The following GTF3C1 variants were observed in gnomAD, a reference collection of about 807,000 sequenced individuals.
The protein encoded by GTF3C1 is general transcription factor 3C polypeptide 1.
GTF3C1 carries 57 observed loss-of-function variants against 226.7 expected under a neutral mutation model. The ratio of observed to expected loss-of-function variants is 0.25; its 90% CI spans 0.20 to 0.31. The LOEUF (loss-of-function observed/expected upper bound fraction) is 0.31. GTF3C1 is among the 10% of genes least tolerant of loss of function. The pLI is 1.00. For synonymous variants in GTF3C1, 1,090 were observed against 1,084.8 expected, an observed-to-expected ratio of 1.00 and a Z score of -0.09; for missense variants, 2,217 against 2,776.1, an observed-to-expected ratio of 0.80 and a Z score of 4.53.
chr16:27,504,445 GAA>G (rs1166971085), intron 10 of GTF3C1, among the ~76,000 whole-genome samples: 1 of 152,168 alleles, frequency 6.6e-6, no homozygotes, highest in Non-Finnish European at 1.5e-5. Context: ...GAAAAGGCCT[GAA>G]AGAGTCTAGA....
chr16:27,545,806 T>C (rs193300644), intron 1 of GTF3C1, among the ~76,000 whole-genome samples: 3 of 152,306 alleles, frequency 2.0e-5, no homozygotes, highest in East Asian at 1.9e-4. Context: ...CCAAATCTGG[T>C]ACTCAGTCTC....
chr16:27,464,124 C>A, intron 34 of GTF3C1, 196 bp downstream of exon 34: 1 of 453,704 alleles, frequency 2.2e-6, no homozygotes, highest in Admixed American at 4.2e-5. Flanking sequence ...ATGTGGGAGG[C>A]CTGCCCTCCC....
intron 6 of GTF3C1, among the ~76,000 whole-genome samples, chr16:27,520,316 T>C (rs991813219): frequency 1.3e-5 from 2 of 152,172 alleles, no homozygotes; most frequent in African/African-American, 4.8e-5. Context: ...GGTTTCACCA[T>C]GTTGGCCAAG....
rs2087697776 is a variant in GTF3C1 at position 27,461,205 on chromosome 16, A to G, written c.*145T>C. On this transcript the variant is annotated 3_prime_UTR_variant, in exon 37 of 37. Coordinates refer to ENST00000356183, the MANE Select transcript of GTF3C1 (RefSeq NM_001520.4). This position sits in a 1 kb window ranked among gnomAD's most constrained non-coding sequence, Gnocchi z 5.3. Reference sequence around the variant, plus strand: ...GTTCCAGTACAGTGGGAAACGTGTCAGTCTGTGACTCTGGCCAAAGCACCC... The same window carrying G: ...GTTCCAGTACAGTGGGAAACGTGTCGGTCTGTGACTCTGGCCAAAGCACCC... 1.7e-6 allele frequency: 1 copy of G among 602,040 alleles called. No individual in the cohort carries two copies. Among genetic ancestry groups the G allele is most frequent in the East Asian group, 2.7e-5 (1 of 36,394 alleles). 37.3% of individuals were successfully genotyped at this position (602,040 alleles called of 1,614,324 possible). A position where few individuals can be genotyped will look rare whatever the true frequency, so the allele number is the denominator to read the frequency against.
chr16:27,487,623 G>A (rs1419224026), intron 23 of GTF3C1, among the ~76,000 whole-genome samples: 3 of 152,070 alleles, frequency 2.0e-5, no homozygotes, highest in East Asian at 1.9e-4. Flanking sequence ...GCAAAACCCC[G>A]TCTCTACTAA....
At chr16:27,536,585 A>G (rs1345499067) in intron 4 of GTF3C1, among the ~76,000 whole-genome samples, 1 of 152,242 alleles carries the variant, frequency 6.6e-6, no homozygotes, top group African/African-American at 2.4e-5. Context: ...TCCGCAGTCA[A>G]TAAAGAGTCT....
intron 1 of GTF3C1, among the ~76,000 whole-genome samples, chr16:27,548,465 C>G (rs2089200777): frequency 6.6e-6 from 1 of 152,152 alleles, no homozygotes; most frequent in South Asian, 2.1e-4. Context: ...TAGGGTTTCA[C>G]CACGTTGGTC....
At chr16:27,530,873 G>C (rs756100834) in intron 5 of GTF3C1, among the ~76,000 whole-genome samples, 1 of 152,188 alleles carries the variant, frequency 6.6e-6, no homozygotes, top group Non-Finnish European at 1.5e-5. Flanking sequence ...CCACTCCAGC[G>C]AAACTCACTG....
intron 6 of GTF3C1, among the ~76,000 whole-genome samples, chr16:27,527,272 C>T (rs2088846848): frequency 1.3e-5 from 2 of 152,200 alleles, no homozygotes; most frequent in Admixed American, 1.3e-4. Flanking sequence ...ACCTCTGCCT[C>T]CCAGGTTCAA....
At chr16:27,537,626 TG>T (rs2089020782) in intron 4 of GTF3C1, among the ~76,000 whole-genome samples, 157 bp downstream of exon 4, 1 of 152,206 alleles carries the variant, frequency 6.6e-6, no homozygotes, top group South Asian at 2.1e-4. Context: ...CAGGCTGGTC[TG>T]GAACTCTTGG....
chr16:27,515,705 C>T lies in GTF3C1; in HGVS notation c.974-3804G>A, dbSNP rs1265160146. On this transcript the variant is annotated intron_variant, in intron 6 of 36. Coordinates refer to ENST00000356183, the MANE Select transcript of GTF3C1 (RefSeq NM_001520.4). ...CATGTCTGTGACTTTGGGGAAATTA[C>T]CAAGTATGACTCTTTGTTTTCCGAT... Among the ~76,000 whole-genome samples the T allele has an allele frequency of 1.3e-5, 2 of 152,198 alleles. 1 individual carries two copies.
intron 27 of GTF3C1, 63 bp from the exon 28 acceptor site, chr16:27,478,594 G>A (rs2087990144): frequency 8.7e-7 from 1 of 1,145,016 alleles, no homozygotes; most frequent in Non-Finnish European, 1.3e-6. Flanking sequence ...GCAAGCGGAT[G>A]CTGGCTCAAG....
intron 29 of GTF3C1, among the ~76,000 whole-genome samples, chr16:27,473,153 C>T (rs923388962): frequency 6.6e-6 from 1 of 152,240 alleles, no homozygotes; most frequent in Non-Finnish European, 1.5e-5. Flanking sequence ...CATCCTGCCT[C>T]AGCCTCCCAA....
At chr16:27,496,172 C>T (rs1390937508) in intron 14 of GTF3C1, among the ~76,000 whole-genome samples, 1 of 152,180 alleles carries the variant, frequency 6.6e-6, no homozygotes, top group Non-Finnish European at 1.5e-5. Flanking sequence ...CCTTCACCTT[C>T]TGTCATGGCT....
Position 27,489,655 on chromosome 16 carries a change from G to A in GTF3C1, c.3240C>T (p.Ser1080=), listed in dbSNP as rs756980720. Residue 1080 remains serine, a synonymous_variant, in exon 20 of 37, where the codon AGC becomes AGT. Transcript: ENST00000356183. ...GCTCCAGGTTGTGCTTGTCCATGGC[G>A]CTCTCCTGCTCCTTCTGCAGGCTGC... ...EEGSLQKEQE[S]AMDKHNLERK... is the part of the protein sequence containing the mutation. 16 of 1,611,142 alleles carry A rather than the reference G, an allele frequency of 9.9e-6. No individual in the cohort carries two copies. Among genetic ancestry groups the A allele is most frequent in the Admixed American group, 8.3e-5 (5 of 59,936 alleles).
chr16:27,517,165 G>C (rs908724014), intron 6 of GTF3C1, among the ~76,000 whole-genome samples: 1 of 152,208 alleles, frequency 6.6e-6, no homozygotes, highest in Non-Finnish European at 1.5e-5. Flanking sequence ...GTAAACGACG[G>C]AACAGTGTAG....
At chr16:27,546,081 C>G (rs1180456373) in intron 1 of GTF3C1, among the ~76,000 whole-genome samples, 1 of 152,078 alleles carries the variant, frequency 6.6e-6, no homozygotes, top group Non-Finnish European at 1.5e-5. Flanking sequence ...CTCCTGACCT[C>G]GGTGATCCAC....
chr16:27,502,921 C>T lies in GTF3C1; in HGVS notation c.1845G>A (p.Leu615=). The change falls in exon 11 of 37, where the codon CTG becomes CTA. Residue 615 remains leucine (L), a synonymous_variant. Coordinates refer to ENST00000356183, the MANE Select transcript of GTF3C1 (RefSeq NM_001520.4). ...CTTCTATGATCAGATTCCTGCGTTT[C>T]AGCAGTCGGTAAGTTTCGTGTGGTT... The part of the protein sequence containing the change: ...QDKPHETYRL[L]KRRNLIIEAV... 2 of 1,613,408 alleles carry T rather than the reference C, an allele frequency of 1.2e-6. No homozygotes were observed. The highest frequency in any genetic ancestry group is 1.7e-6 in the Non-Finnish European group (2 of 1,179,710).
Position 27,464,398 on chromosome 16 carries a change from C to A in GTF3C1, c.5794G>T (p.Val1932Phe), listed in dbSNP as rs760091961. ...TGGCCTGGGGAACTGAACTCACCGA[C>A]ACCCTCTTGGTCTTCCTGTGCTGCT... ...AGAAQEDQEGVGEFSSPGQEQ... is the reference protein window; with the variant it reads ...AGAAQEDQEGFGEFSSPGQEQ... Residue 1932 changes from valine to phenylalanine, a missense_variant, in exon 34 of 37, where the codon GTC becomes TTC. Val to Phe is a conservative substitution (Grantham distance 50, BLOSUM62 -1). Around this residue, in one of 12 missense-constraint regions of GTF3C1, gnomAD observed 455 missense variants for 441.9 expected, o/e 1.03. Transcript: ENST00000356183. The A allele has an allele frequency of 5.0e-6, 8 of 1,599,868 alleles. No individual in the cohort carries two copies. The highest frequency in any genetic ancestry group is 1.1e-5 in the South Asian group (1 of 88,872).
Sources: allele counts gnomAD v4.1 joint callset (sites outside exome capture counted in the v4.1 genomes callset), GRCh38; gene constraint gnomAD v4.1.1; regional missense constraint gnomAD v4.1.1; non-coding constraint Gnocchi (gnomAD v3.1); transcripts MANE v1.5; gene names NCBI Gene and HGNC (gene_info 2026-07-23, HGNC 2026-07-21).